The following ATM variants were observed in gnomAD, a reference collection of about 807,000 sequenced individuals.
The protein encoded by ATM is ATM serine/threonine kinase.
A neutral mutation model predicts 387.0 loss-of-function variants in ATM; 308 were observed. The observed-to-expected ratio is 0.80, with a 90% CI of 0.73 to 0.87. The LOEUF is 0.87. Ranked by LOEUF, ATM falls within the 40% of genes least tolerant of loss-of-function variation. ATM has a pLI of 0.00. For missense variants in ATM, 3,312 were observed against 3,560.9 expected, an observed-to-expected ratio of 0.93 and a Z score of 1.78; for synonymous variants, 1,156 against 1,187.3, an observed-to-expected ratio of 0.97 and a Z score of 0.54.
In ATM at chr11:108,253,652, G is replaced by A. The variant is rs4987950; in HGVS notation, c.1899-162G>A. 8.3e-3 allele frequency among the ~76,000 whole-genome samples: 1,262 copies of A among 152,090 alleles called. 16 individuals carry two copies. The highest frequency in any genetic ancestry group is 0.029 in the African/African-American group (1,191 of 41,504). ...TTGATATAAGTAGGTCTCAAAGTCC[G>A]AAGAAGAGAAGCATTTAAAAGAATA... On this transcript the variant is annotated intron_variant, in intron 12 of 62. Coordinates refer to ENST00000675843, the MANE Select transcript of ATM (RefSeq NM_000051.4).
intron 47 of ATM, 39 bp from the exon 48 acceptor site, chr11:108,327,606 T>TAATGCATTATATTTTAAG (rs1465795743): frequency 6.7e-7 from 1 of 1,491,914 alleles, no homozygotes; most frequent in Admixed American, 1.7e-5. Flanking sequence ...ACAGTCATGG[T>TAATGCATTATATTTTAAG]AATGCATTAT....
rs2088875067 is a variant in ATM at position 108,349,260 on chromosome 11, T to A, written c.8671+1895T>A. 3.3e-5 allele frequency among the ~76,000 whole-genome samples: 5 copies of A among 152,210 alleles called. 1 individual carries two copies. The highest frequency in any genetic ancestry group is 3.3e-4 in the Admixed American group (5 of 15,288). On this transcript the variant is annotated intron_variant, in intron 59 of 62. Coordinates refer to ENST00000675843, the MANE Select transcript of ATM (RefSeq NM_000051.4). ...TGAATGCTGAAAATAGACCTTTGAA[T>A]TTAACAAGTAATCAATCCTAGAGGC...
In ATM at chr11:108,229,170, T is replaced by C. The variant is rs1355404740; in HGVS notation, c.186-8T>C. On this transcript the variant is annotated splice_polypyrimidine_tract_variant and splice_region_variant and intron_variant, in intron 3 of 62. Coordinates refer to ENST00000675843, the MANE Select transcript of ATM (RefSeq NM_000051.4). Reference sequence around the variant, plus strand: ...GAGTTTCTGAAATTGCATTTTGTTTTCTTGAAGATTTTTACAGAAATATAT... The same window carrying C: ...GAGTTTCTGAAATTGCATTTTGTTTCCTTGAAGATTTTTACAGAAATATAT... The C allele has an allele frequency of 6.2e-7, 1 of 1,608,362 alleles. No homozygotes were observed. The highest frequency in any genetic ancestry group is 8.5e-7 in the Non-Finnish European group (1 of 1,176,760).
At chr11:108,289,131 A>G (rs2135754597) in intron 28 of ATM, 28 bp downstream of exon 28, 1 of 1,585,908 alleles carries the variant, frequency 6.3e-7, no homozygotes, top group East Asian at 2.2e-5. Flanking sequence ...GTTTAATAAT[A>G]GAACATTCCT....
In ATM at chr11:108,343,308, T is replaced by C. The variant is rs372834825; in HGVS notation, c.8355T>C (p.Asp2785=). 16 of 1,613,960 alleles carry C rather than the reference T, an allele frequency of 9.9e-6. No homozygotes were observed. The East Asian group carries it at 2.2e-4, about 22-fold the overall frequency. Residue 2785 remains aspartate (D), a synonymous_variant, in exon 57 of 63, where the codon GAT becomes GAC. Coordinates refer to ENST00000675843, the MANE Select transcript of ATM (RefSeq NM_000051.4). ...PIGEFLVNNE[D]GAHKRYRPND... Reference sequence around the variant, plus strand: ...GTGAATTTCTTGTTAACAATGAAGATGGTGCTCATAAAAGATACAGGCCAA... The same window carrying C: ...GTGAATTTCTTGTTAACAATGAAGACGGTGCTCATAAAAGATACAGGCCAA...
At chr11:108,240,285 T>G (rs1244152309) in intron 5 of ATM, among the ~76,000 whole-genome samples, 1 of 152,208 alleles carries the variant, frequency 6.6e-6, no homozygotes, top group Admixed American at 6.5e-5. Context: ...ATACTTTCAC[T>G]GTCAGAAAAA....
At chr11:108,295,251 T>A (rs2083059060) in intron 32 of ATM, 192 bp downstream of exon 32, 1 of 660,026 alleles carries the variant, frequency 1.5e-6, no homozygotes, top group African/African-American at 1.8e-5. Context: ...TCCTGTTTTA[T>A]TCATCCTCTG....
intron 61 of ATM, 62 bp downstream of exon 61, chr11:108,354,936 C>A: frequency 7.5e-7 from 1 of 1,338,086 alleles, no homozygotes; most frequent in Non-Finnish European, 1.1e-6. Flanking sequence ...TGTATCTCAT[C>A]AGGAAGTCAC....
Position 108,345,884 on chromosome 11 carries a change from C to T in ATM, c.8560C>T (p.Arg2854Cys), listed in dbSNP as rs201958469. 1.9e-4 allele frequency: 306 copies of T among 1,613,564 alleles called. No homozygotes were observed. Among genetic ancestry groups the T allele is most frequent in the Admixed American group, 5.5e-4 (33 of 59,972 alleles). Residue 2854 changes from arginine (R) to cysteine (C), a missense_variant, in exon 58 of 63, where the codon CGC (arginine) becomes TGC (cysteine). Arg to Cys is a radical substitution (Grantham distance 180). Transcript: ENST00000675843. ...GTTTGAGAAGCGATTGGCTTATACG[C>T]GCAGTGTAGCTACTTCTTCTATTGG... ...IWFEKRLAYT[R>C]SVATSSIVGY... is the part of the protein sequence containing the mutation.
At chr11:108,313,109 TCTC>T (rs2136075259) in intron 40 of ATM, among the ~76,000 whole-genome samples, 1 of 152,192 alleles carries the variant, frequency 6.6e-6, no homozygotes, top group East Asian at 1.9e-4. Context: ...TCTCCTGGCA[TCTC>T]CTCCTTTAAT....
chr11:108,237,745 AT>A (rs1265156805), intron 5 of ATM, among the ~76,000 whole-genome samples: 2 of 152,202 alleles, frequency 1.3e-5, no homozygotes, highest in East Asian at 3.9e-4. Flanking sequence ...TTGCATATAA[AT>A]TTTGGAATCA....
chr11:108,346,183 C>A (rs1332767807), intron 58 of ATM, among the ~76,000 whole-genome samples: 1 of 151,986 alleles, frequency 6.6e-6, no homozygotes, highest in Non-Finnish European at 1.5e-5. Flanking sequence ...GTGAATATGG[C>A]ATATTTTCTC....
chr11:108,249,709 G>A (rs754828005), intron 9 of ATM, among the ~76,000 whole-genome samples: 16 of 152,176 alleles, frequency 1.1e-4, no homozygotes, highest in Non-Finnish European at 2.4e-4. Flanking sequence ...AGCAACTTCT[G>A]TAGGGACAGA....
intron 58 of ATM, chr11:108,346,504 T>G (rs953667107): frequency 2.0e-5 from 3 of 152,274 alleles, no homozygotes; most frequent in South Asian, 2.1e-4. Context: ...TTGTTGTTTT[T>G]TTTTTTTTTA....
chr11:108,319,604 C>T (rs1316092655), intron 43 of ATM, among the ~76,000 whole-genome samples: 1 of 152,140 alleles, frequency 6.6e-6, no homozygotes, highest in Non-Finnish European at 1.5e-5. Flanking sequence ...TTGTCTGTTC[C>T]TCCAAACCAG....
At chr11:108,256,075 C>A in intron 13 of ATM, 140 bp from the exon 14 acceptor site, 1 of 657,302 alleles carries the variant, frequency 1.5e-6, no homozygotes. Flanking sequence ...GTTTTTAGAG[C>A]TATCCAGGAT....
At position 108,332,356 on chromosome 11, in the gene ATM, C is replaced by T. The variant is rs540729637; in HGVS notation, c.7788+319C>T. ...CTGAGGCAGGAGAATCACTTGAACT[C>T]GGGAGGCGGAGGTTGCAGTGAGCCA... is the stretch of plus-strand genomic sequence containing the variant. On this transcript the variant is annotated intron_variant, in intron 52 of 62. Transcript: ENST00000675843. 9.2e-5 allele frequency among the ~76,000 whole-genome samples: 14 copies of T among 152,164 alleles called. No homozygotes were observed. The South Asian group carries it at 2.1e-3, about 23-fold the overall frequency.
At chr11:108,355,114 T>C (rs2089737994) in intron 61 of ATM, 4 of 520,580 alleles carry the variant, frequency 7.7e-6, no homozygotes, top group Non-Finnish European at 6.9e-6. Context: ...TAGTCTCTAG[T>C]TTTCAATTCA....
chr11:108,232,527 C>CCTTTTTTTTTTTTTTTTTTTTT (rs2079062867), intron 4 of ATM, among the ~76,000 whole-genome samples: 1 of 58,178 alleles, frequency 1.7e-5, no homozygotes, highest in African/African-American at 6.5e-5. Context: ...GATTTCTCTC[C>CCTTTTTTTTTTTTTTTTTTTTT]TTTTTTTTTT....
Sources: allele counts gnomAD v4.1 joint callset (sites outside exome capture counted in the v4.1 genomes callset), GRCh38; gene constraint gnomAD v4.1.1; transcripts MANE v1.5; gene names NCBI Gene and HGNC (gene_info 2026-07-23, HGNC 2026-07-21).